NLRP5: variants seen among roughly 807,000 people sequenced by gnomAD.
The protein encoded by NLRP5 is NACHT, LRR and PYD domains-containing protein 5.
In NLRP5, 93 loss-of-function variants were observed where a neutral mutation model predicts 113.1. That is an observed-to-expected ratio of 0.82 (90% CI 0.70 to 0.98). NLRP5 has a LOEUF of 0.98. Ranked by LOEUF, NLRP5 falls within the 50% of genes least tolerant of loss-of-function variation. The pLI is 0.00. For synonymous variants in NLRP5, 751 were observed against 600.7 expected, an observed-to-expected ratio of 1.25 and a Z score of -3.66; for missense variants, 1,808 against 1,514.3, an observed-to-expected ratio of 1.19 and a Z score of -3.22.
chr19:56,051,049 C>A (rs1429724048), intron 12 of NLRP5, among the ~76,000 whole-genome samples: 1 of 152,220 alleles, frequency 6.6e-6, no homozygotes, highest in Non-Finnish European at 1.5e-5. Context: ...TTCAGTCTCA[C>A]AACCATGCAG....
intron 9 of NLRP5, among the ~76,000 whole-genome samples, chr19:56,035,706 C>T (rs1344711615): frequency 6.6e-6 from 1 of 152,202 alleles, no homozygotes; most frequent in South Asian, 2.1e-4. Flanking sequence ...CTTCTCTTCA[C>T]TCCTGTATTC....
rs1359720739 is a variant in NLRP5 at position 56,027,670 on chromosome 19, G to A, written c.1437G>A (p.Val479=). ...CCGCCGTGGGCTCTCTCATCTGCGTGGCCCTGCAGCTGCAGGACGTGGTGG... is the reference window on the plus strand; with the variant it reads ...CCGCCGTGGGCTCTCTCATCTGCGTAGCCCTGCAGCTGCAGGACGTGGTGG... Residue 479 remains valine, a synonymous_variant, in exon 7 of 15, where the codon GTG becomes GTA. Transcript: ENST00000390649. The A allele has an allele frequency of 1.9e-6, 3 of 1,613,438 alleles. No homozygotes were observed. The East Asian group carries it at 6.7e-5, about 36-fold the overall frequency.
At chr19:55,996,028 TTC>T (rs1023712857), upstream of NLRP5, among the ~76,000 whole-genome samples, 51 of 139,566 alleles carry the variant, frequency 3.7e-4, no homozygotes, top group African/African-American at 1.4e-3. Context: ...CCTTTATCAG[TTC>T]TCTGTCTTTT....
At chr19:56,046,802 G>A (rs540727237) in intron 11 of NLRP5, among the ~76,000 whole-genome samples, 2 of 152,338 alleles carry the variant, frequency 1.3e-5, no homozygotes, top group East Asian at 1.9e-4. Context: ...AAAGTGCTGG[G>A]ATCACAGGCG....
At chr19:55,994,617 C>T in the NLRP5 span, among the ~76,000 whole-genome samples, 3,227 of 152,270 alleles carry the variant, frequency 0.021, 70 homozygotes, top group Admixed American at 0.065. Flanking sequence ...AGGATGGTCT[C>T]GATCTCCTGA....
chr19:56,026,303 T>C (rs376061176), intron 6 of NLRP5, among the ~76,000 whole-genome samples: 1 of 151,624 alleles, frequency 6.6e-6, no homozygotes, highest in Non-Finnish European at 1.5e-5. Flanking sequence ...CCGAGGTGGG[T>C]ACATCACTAG....
At chr19:56,024,368 T>TATATGTGTATATATAACATATATAC in intron 6 of NLRP5, among the ~76,000 whole-genome samples, 1 of 138,638 alleles carries the variant, frequency 7.2e-6, no homozygotes, top group African/African-American at 2.7e-5. Context: ...AACAAATATA[T>TATATGTGTATATATAACATATATAC]ATATATGTGT....
Position 56,004,059 on chromosome 19 carries a change from C to G in NLRP5, c.406C>G (p.Arg136Gly). 1 of 1,612,482 alleles carries G rather than the reference C, an allele frequency of 6.2e-7. No individual in the cohort carries two copies. The highest frequency in any genetic ancestry group is 8.5e-7 in the Non-Finnish European group (1 of 1,179,118). Residue 136 changes from arginine to glycine, a missense_variant, in exon 2 of 15, where the codon CGA becomes GGA. Coordinates refer to ENST00000390649, the MANE Select transcript of NLRP5 (RefSeq NM_153447.4). ...TAGCATCTTTGAAAACATGAACCTG[C>G]GAACCCTCTCGGAGAAGGCACGGGA...
At position 56,010,742 on chromosome 19, in the gene NLRP5, C is replaced by CAAAAAAAAAA. The variant is rs1412317286; in HGVS notation, c.508+1893_508+1902dup. Among the ~76,000 whole-genome samples the CAAAAAAAAAA allele has an allele frequency of 1.8e-3, 73 of 41,266 alleles. 8 individuals carry two copies. The highest frequency in any genetic ancestry group is 3.6e-3 in the East Asian group (3 of 822). The allele number at this position is 41,266 out of a possible 152,430, so 27.1% of individuals were successfully genotyped here. ...GGGAAACAAGAGCTTAACTCTGTCT[C>CAAAAAAAAAA]AAAAAAAAAAAAAGTCCCTTGAAAC... On this transcript the variant is annotated intron_variant, in intron 3 of 14. Transcript: ENST00000390649.
At chr19:56,031,491 C>T (rs1476597741) in intron 7 of NLRP5, among the ~76,000 whole-genome samples, 2 of 151,876 alleles carry the variant, frequency 1.3e-5, no homozygotes, top group Non-Finnish European at 2.9e-5. Context: ...ATTAGCCAGG[C>T]ATGGTGGTGG....
intron 11 of NLRP5, among the ~76,000 whole-genome samples, chr19:56,041,466 T>G (rs560930019): frequency 6.6e-6 from 1 of 152,280 alleles, no homozygotes; most frequent in Admixed American, 6.5e-5. Flanking sequence ...GAAAATGTAT[T>G]TCATGTTTCT....
At chr19:55,991,191 C>G in the NLRP5 span, among the ~76,000 whole-genome samples, 1 of 152,070 alleles carries the variant, frequency 6.6e-6, no homozygotes, top group African/African-American at 2.4e-5. Flanking sequence ...TCGATTGAGA[C>G]CTTCTATTCC....
At chr19:56,029,852 C>G (rs966643556) in intron 7 of NLRP5, among the ~76,000 whole-genome samples, 2 of 151,160 alleles carry the variant, frequency 1.3e-5, no homozygotes, top group Non-Finnish European at 2.9e-5. Context: ...GTCAGGAGTT[C>G]GAGACCAGCC....
intron 2 of NLRP5, among the ~76,000 whole-genome samples, chr19:56,005,129 A>G (rs1020983252): frequency 1.4e-5 from 2 of 145,418 alleles, no homozygotes; most frequent in Non-Finnish European, 1.5e-5. Context: ...TATATATAAT[A>G]TATACACACA....
chr19:56,010,374 A>G (rs1612449), intron 3 of NLRP5, among the ~76,000 whole-genome samples: 69,916 of 151,668 alleles, frequency 0.46, 16,682 homozygotes, highest in East Asian at 0.85. Context: ...AGAGACAGAC[A>G]CTCTACCCTC....
At chr19:55,999,027 T>C (rs1981497352), upstream of NLRP5, among the ~76,000 whole-genome samples, 1 of 151,712 alleles carries the variant, frequency 6.6e-6, no homozygotes. Context: ...TGCCATGCTG[T>C]GCAGGGGATC....
chr19:55,988,444 G>A, the NLRP5 span: 71,547 of 102,678 alleles, frequency 0.7, 22,598 homozygotes, highest in South Asian at 0.75. Context: ...ATGTGTGTGT[G>A]TATATATATA....
chr19:55,989,114 G>A, the NLRP5 span, among the ~76,000 whole-genome samples: 1 of 152,132 alleles, frequency 6.6e-6, no homozygotes, highest in Non-Finnish European at 1.5e-5. Context: ...TATCATCAGT[G>A]TTCACGTGTA....
At chr19:56,029,313 C>G (rs2123308002) in intron 7 of NLRP5, among the ~76,000 whole-genome samples, 1 of 152,268 alleles carries the variant, frequency 6.6e-6, no homozygotes, top group Non-Finnish European at 1.5e-5. Context: ...GTCACCAAGG[C>G]TGGAGTACAG....
Sources: allele counts gnomAD v4.1 joint callset (sites outside exome capture counted in the v4.1 genomes callset), GRCh38; gene constraint gnomAD v4.1.1; transcripts MANE v1.5; gene names NCBI Gene and HGNC (gene_info 2026-07-23, HGNC 2026-07-21).